Variants in ANK3 observed in about 807,000 individuals in gnomAD.
The protein encoded by ANK3 is ankyrin 3.
ANK3 carries 57 observed loss-of-function variants against 370.9 expected under a neutral mutation model. The observed-to-expected ratio is 0.15, with a 90% CI of 0.12 to 0.19. The LOEUF (loss-of-function observed/expected upper bound fraction) is 0.19. ANK3 is among the 10% of genes least tolerant of loss of function. The probability of loss-of-function intolerance (pLI) is 1.00; values close to 1 mark genes in which losing one functional copy is unlikely to be tolerated. For missense variants in ANK3, 4,439 were observed against 5,302.1 expected, an observed-to-expected ratio of 0.84 and a Z score of 5.06; for synonymous variants, 1,929 against 1,946.3, an observed-to-expected ratio of 0.99 and a Z score of 0.23.
intron 7 of ANK3, among the ~76,000 whole-genome samples, chr10:60,254,130 T>C (rs2097704128): frequency 6.6e-6 from 1 of 152,164 alleles, no homozygotes; most frequent in Non-Finnish European, 1.5e-5. Flanking sequence ...TTAAATGATC[T>C]CTAGATTTAT....
At chr10:60,176,171 T>TA (rs1270941619) in intron 18 of ANK3, among the ~76,000 whole-genome samples, 1 of 88,698 alleles carries the variant, frequency 1.1e-5, no homozygotes, top group Admixed American at 1.2e-4. Flanking sequence ...CTGTCTCTGC[T>TA]AAAAATACAA....
chr10:60,713,669 C>T (rs1428699227), intron 1 of ANK3, among the ~76,000 whole-genome samples: 36 of 152,100 alleles, frequency 2.4e-4, no homozygotes. Context: ...GCGGGCAGAT[C>T]ACCTGAGGTC....
chr10:60,085,433 G>C (rs904969206), intron 30 of ANK3, among the ~76,000 whole-genome samples, 180 bp from the exon 31 acceptor site: 1 of 151,834 alleles, frequency 6.6e-6, no homozygotes, highest in Non-Finnish European at 1.5e-5. Context: ...CTTTTACCAG[G>C]CTTATTGTGA....
intron 2 of ANK3, among the ~76,000 whole-genome samples, chr10:60,495,043 G>A (rs888863767): frequency 2.0e-5 from 3 of 152,064 alleles, no homozygotes; most frequent in African/African-American, 4.8e-5. Context: ...GCCAGAACAT[G>A]TCATCGCTCA....
At position 60,447,333 on chromosome 10, in the gene ANK3, G is replaced by A. The variant is rs187579707; in HGVS notation, c.97-167694C>T. Among the ~76,000 whole-genome samples the A allele has an allele frequency of 1.1e-4, 17 of 152,330 alleles. No individual in the cohort carries two copies. The East Asian group carries it at 3.1e-3, about 28-fold the overall frequency. ...TAAAGTATCCAACTGAGGGTGTTGA[G>A]AAGGATGGTGATGGTTCAGGAAAGG... On this transcript the variant is annotated intron_variant, in intron 2 of 43. Transcript: ENST00000373827.
chr10:60,104,376 A>C (rs1480481544), intron 28 of ANK3, among the ~76,000 whole-genome samples: 9 of 118,416 alleles, frequency 7.6e-5, no homozygotes, highest in Admixed American at 1.6e-4. Flanking sequence ...AAAAAAAAAA[A>C]AAAAAAAAAA....
intron 1 of ANK3, among the ~76,000 whole-genome samples, chr10:60,700,218 A>G (rs1339263515): frequency 1.3e-5 from 2 of 152,218 alleles, no homozygotes; most frequent in Non-Finnish European, 2.9e-5. Context: ...CTAGATATCA[A>G]TGACCTAAAT....
intron 2 of ANK3, among the ~76,000 whole-genome samples, chr10:60,482,122 C>G (rs2075236633): frequency 6.6e-6 from 1 of 152,112 alleles, no homozygotes; most frequent in African/African-American, 2.4e-5. Flanking sequence ...TGCCTTCTGT[C>G]ATCTCCTGTT....
chr10:60,032,800 A>G (rs1019395073), intron 43 of ANK3, among the ~76,000 whole-genome samples: 1 of 152,188 alleles, frequency 6.6e-6, no homozygotes, highest in Non-Finnish European at 1.5e-5. Flanking sequence ...TGGTTATGCA[A>G]TCAGAGCCTG....
chr10:60,303,307 A>G (rs1175512809), intron 1 of ANK3, among the ~76,000 whole-genome samples: 6 of 151,804 alleles, frequency 4.0e-5, no homozygotes, highest in African/African-American at 9.7e-5. Context: ...TGAACGATAC[A>G]TGTAATAAGA....
chr10:60,154,680 A>C (rs528307086), intron 23 of ANK3, among the ~76,000 whole-genome samples: 23 of 152,246 alleles, frequency 1.5e-4, no homozygotes, highest in Admixed American at 6.5e-5. Context: ...CTGTAGTCCC[A>C]ACTACTCAGG....
At chr10:60,604,736 C>G (rs749538040) in intron 2 of ANK3, among the ~76,000 whole-genome samples, 2 of 152,124 alleles carry the variant, frequency 1.3e-5, no homozygotes, top group African/African-American at 4.8e-5. Context: ...GGAATTTCTC[C>G]AATGCCCATC....
chr10:60,300,367 A>C, intron 1 of ANK3: 1 of 1,289,796 alleles, frequency 7.8e-7, no homozygotes, highest in Non-Finnish European at 1.0e-6. Flanking sequence ...TCTGTGGCCA[A>C]GTAAGAAACC....
At chr10:60,176,184 A>AC (rs113726136) in intron 18 of ANK3, among the ~76,000 whole-genome samples, 4,882 of 134,436 alleles carry the variant, frequency 0.036, 257 homozygotes, top group African/African-American at 0.13. Flanking sequence ...AAATACAAAA[A>AC]AAAAAAAAAA....
chr10:60,517,072 T>C (rs114392526), intron 2 of ANK3, among the ~76,000 whole-genome samples: 2,014 of 152,164 alleles, frequency 0.013, 58 homozygotes, highest in African/African-American at 0.046. Context: ...CTTAGTTTTT[T>C]CTGTTTGGTT....
At chr10:60,084,870 T>C in intron 31 of ANK3, 40 bp from the exon 32 acceptor site, 1 of 1,413,216 alleles carries the variant, frequency 7.1e-7, no homozygotes, top group South Asian at 1.5e-5. Context: ...AATGTGGCTA[T>C]TTAAAAGCCA....
intron 2 of ANK3, among the ~76,000 whole-genome samples, chr10:60,592,796 C>T (rs1440588336): frequency 6.6e-6 from 1 of 152,118 alleles, no homozygotes; most frequent in Non-Finnish European, 1.5e-5. Flanking sequence ...GACTGAATTA[C>T]TTCAAGACAG....
chr10:60,062,083 T>A (rs2080637959), intron 40 of ANK3: 2 of 152,116 alleles, frequency 1.3e-5, no homozygotes, highest in African/African-American at 4.8e-5. Flanking sequence ...CTGGCCAACG[T>A]GGTGAAACCC....
intron 28 of ANK3, among the ~76,000 whole-genome samples, chr10:60,104,148 G>A (rs2091778481): frequency 6.6e-6 from 1 of 151,862 alleles, no homozygotes; most frequent in African/African-American, 2.4e-5. Context: ...GAACCTGGGT[G>A]AAAGAATAAT....
Sources: allele counts gnomAD v4.1 joint callset (sites outside exome capture counted in the v4.1 genomes callset), GRCh38; gene constraint gnomAD v4.1.1; transcripts MANE v1.5; gene names NCBI Gene and HGNC (gene_info 2026-07-23, HGNC 2026-07-21).